The following ATP12A variants were observed in gnomAD, a reference collection of about 807,000 sequenced individuals.
The protein encoded by ATP12A is ATPase H+/K+ transporting non-gastric alpha2 subunit.
ATP12A carries 81 observed loss-of-function variants against 111.2 expected under a neutral mutation model. The observed-to-expected ratio is 0.73, with a 90% CI of 0.61 to 0.88. ATP12A has a LOEUF of 0.88. Ranked by LOEUF, ATP12A falls within the 40% of genes least tolerant of loss-of-function variation. The pLI, the probability that ATP12A is intolerant of heterozygous loss-of-function variation, is 0.00. For missense variants in ATP12A, 1,196 were observed against 1,313.1 expected (o/e 0.91, Z 1.38); for synonymous variants, 498 against 499.8 (o/e 1.00, Z 0.05).
At chr13:24,697,912 C>T (rs1281969694) in intron 11 of ATP12A, among the ~76,000 whole-genome samples, 1 of 152,120 alleles carries the variant, frequency 6.6e-6, no homozygotes, top group African/African-American at 2.4e-5. Context: ...AATTGTAGCA[C>T]TTTTCTTTGC....
At chr13:24,684,641 TAGTG>T (rs896562651) in intron 2 of ATP12A, among the ~76,000 whole-genome samples, 2 of 152,224 alleles carry the variant, frequency 1.3e-5, no homozygotes, top group Non-Finnish European at 2.9e-5. Flanking sequence ...GGGAGGATGT[TAGTG>T]GGTGGAGCCC....
At chr13:24,709,044 A>G (rs1198934834) in intron 17 of ATP12A, among the ~76,000 whole-genome samples, 1 of 152,204 alleles carries the variant, frequency 6.6e-6, no homozygotes, top group Non-Finnish European at 1.5e-5. Flanking sequence ...GGTGGGGCGC[A>G]ATGATCTGTC....
In ATP12A at chr13:24,711,600, C is replaced by A; in HGVS notation, c.*78C>A. 1.3e-6 allele frequency: 2 copies of A among 1,579,266 alleles called. No individual in the cohort carries two copies. The highest frequency in any genetic ancestry group is 2.2e-5 in the South Asian group (2 of 90,006). On this transcript the variant is annotated 3_prime_UTR_variant, in exon 23 of 23. Transcript: ENST00000381946. ...TCTTCTGACCGTTTGCTGGGCTATTCCCCTGCAGTGCAGACATCGTCAAAA... is the reference window on the plus strand; with the variant it reads ...TCTTCTGACCGTTTGCTGGGCTATTACCCTGCAGTGCAGACATCGTCAAAA...
chr13:24,689,841 A>G (rs2137695500), intron 5 of ATP12A, among the ~76,000 whole-genome samples: 2 of 152,200 alleles, frequency 1.3e-5, no homozygotes, highest in Middle Eastern at 3.4e-3. Context: ...GGCTGGAGAG[A>G]TTCTGGGTGG....
In ATP12A at chr13:24,690,672, C is replaced by A. The variant is rs1266510280; in HGVS notation, c.750C>A (p.Asn250Lys). Reference sequence around the variant, plus strand: ...GCTCCTCTGAGTTTACCCATGAAAACCCCCTGGAAACAAAGAACATCTGCT... The same window carrying A: ...GCTCCTCTGAGTTTACCCATGAAAAACCCCTGGAAACAAAGAACATCTGCT... ...QPRSSEFTHENPLETKNICFY... is the reference protein window; with the variant it reads ...QPRSSEFTHEKPLETKNICFY... Residue 250 changes from asparagine to lysine, a missense_variant, in exon 7 of 23, where the codon AAC becomes AAA. Asn to Lys is a moderately conservative substitution (Grantham distance 94). Around this residue, in one of 3 missense-constraint regions of ATP12A, gnomAD observed 1,126 missense variants for 1,228.5 expected, o/e 0.92. Transcript: ENST00000381946. 5.6e-6 allele frequency: 9 copies of A among 1,613,856 alleles called. No homozygotes were observed. The highest frequency in any genetic ancestry group is 1.7e-5 in the Admixed American group (1 of 59,966).
intron 10 of ATP12A, among the ~76,000 whole-genome samples, chr13:24,693,712 T>A (rs763362004): frequency 6.6e-6 from 1 of 152,262 alleles, no homozygotes; most frequent in South Asian, 2.1e-4. Flanking sequence ...GTCTATGATA[T>A]AACCATTCTA....
At chr13:24,692,651 C>A in intron 9 of ATP12A, 24 bp downstream of exon 9, 1 of 1,603,840 alleles carries the variant, frequency 6.2e-7, no homozygotes, top group Non-Finnish European at 8.5e-7. Flanking sequence ...AGAGCTCGGT[C>A]TGGCCAAAGC....
intron 3 of ATP12A, among the ~76,000 whole-genome samples, chr13:24,687,988 G>A (rs1874729687): frequency 1.3e-5 from 2 of 152,110 alleles, no homozygotes; most frequent in South Asian, 2.1e-4. Flanking sequence ...AGGTCCCTTC[G>A]ACAGGTTACG....
At chr13:24,698,344 C>T (rs1362645836) in intron 11 of ATP12A, among the ~76,000 whole-genome samples, 1 of 152,046 alleles carries the variant, frequency 6.6e-6, no homozygotes, top group East Asian at 1.9e-4. Context: ...GCTCGCAGCC[C>T]CCTAACTCTC....
At chr13:24,701,904 C>A in intron 13 of ATP12A, 31 bp from the exon 14 acceptor site, 3 of 1,613,984 alleles carry the variant, frequency 1.9e-6, no homozygotes, top group South Asian at 2.2e-5. Flanking sequence ...TTCTTCATTA[C>A]CCGTGGGCCT....
At position 24,689,283 on chromosome 13, in the gene ATP12A, G is replaced by C; in HGVS notation, c.454G>C (p.Gly152Arg). The change falls in exon 5 of 23, where the codon GGT (glycine) becomes CGT (arginine). Residue 152 changes from glycine (G) to arginine (R), a missense_variant. Gly to Arg is a moderately radical substitution (Grantham distance 125). Transcript: ENST00000381946. The part of the protein sequence containing the change: ...LNNVYLGCVL[G>R]LVVILTGIFA... ...CCAGGTGTACTTGGGCTGTGTGCTTGGTCTGGTGGTCATTTTAACGGGGAT... is the reference window on the plus strand; with the variant it reads ...CCAGGTGTACTTGGGCTGTGTGCTTCGTCTGGTGGTCATTTTAACGGGGAT... 2.5e-6 allele frequency: 4 copies of C among 1,614,054 alleles called. No individual in the cohort carries two copies. Among genetic ancestry groups the C allele is most frequent in the Non-Finnish European group, 3.4e-6 (4 of 1,179,980 alleles).
Position 24,690,614 on chromosome 13 carries a change from C to T in ATP12A, c.692C>T (p.Ser231Leu), listed in dbSNP as rs267603785. 2 of 1,611,578 alleles carry T rather than the reference C, an allele frequency of 1.2e-6. No individual in the cohort carries two copies. Among genetic ancestry groups the T allele is most frequent in the South Asian group, 1.1e-5 (1 of 90,716 alleles). ...LSSQGCRVDN[S>L]SLTGESEPQP... Reference sequence around the variant, plus strand: ...CAACATTTCTTCTAGGTGGATAACTCATCTCTCACGGGGGAGTCTGAGCCC... The same window carrying T: ...CAACATTTCTTCTAGGTGGATAACTTATCTCTCACGGGGGAGTCTGAGCCC... Residue 231 changes from serine to leucine, a missense_variant, in exon 7 of 23, where the codon TCA becomes TTA. Ser to Leu is a moderately radical substitution (Grantham distance 145). Around this residue, in one of 3 missense-constraint regions of ATP12A, gnomAD observed 1,126 missense variants for 1,228.5 expected, o/e 0.92. Coordinates refer to ENST00000381946, the MANE Select transcript of ATP12A (RefSeq NM_001676.7).
intron 5 of ATP12A, among the ~76,000 whole-genome samples, chr13:24,689,860 C>T (rs1566070770): frequency 6.6e-6 from 1 of 152,212 alleles, no homozygotes; most frequent in African/African-American, 2.4e-5. Context: ...GGAAAAGACG[C>T]CTCCTGCCAA....
intron 2 of ATP12A, among the ~76,000 whole-genome samples, chr13:24,682,096 GAT>G: frequency 1.1e-5 from 1 of 89,408 alleles, no homozygotes; most frequent in East Asian, 3.4e-4. Flanking sequence ...TGGTGTGTGT[GAT>G]GTGTGTGTGA....
chr13:24,707,951 A>G (rs1875743279), intron 17 of ATP12A, among the ~76,000 whole-genome samples: 1 of 152,048 alleles, frequency 6.6e-6, no homozygotes, highest in Admixed American at 6.5e-5. Flanking sequence ...CACCTGAGCT[A>G]TAGCAAGCTT....
intron 14 of ATP12A, chr13:24,704,489 C>G (rs1875531896): frequency 6.6e-6 from 1 of 152,430 alleles, no homozygotes; most frequent in African/African-American, 2.4e-5. Context: ...GTGCACACGA[C>G]GGTCCTGCCC....
At chr13:24,708,964 G>GGAAGGAAGAAAGAAAGAAAGAAA (rs1566078418) in intron 17 of ATP12A, among the ~76,000 whole-genome samples, 1,712 of 114,742 alleles carry the variant, frequency 0.015, 65 homozygotes, top group Non-Finnish European at 0.018. Flanking sequence ...AAAGAAAGAA[G>GGAAGGAAGAAAGAAAGAAAGAAA]GAAAGAGAAA....
chr13:24,711,683 T>C lies in ATP12A; in HGVS notation c.*161T>C. 3 of 939,738 alleles carry C rather than the reference T, an allele frequency of 3.2e-6. No individual in the cohort carries two copies. The South Asian group carries it at 5.1e-5, about 16-fold the overall frequency. 58.2% of individuals were successfully genotyped at this position (939,738 alleles called of 1,614,324 possible). ...TGTATGCAGGATGCTCACTGATGTTTTGCACTTTAAAACTGAAATTCAACT... is the reference window on the plus strand; with the variant it reads ...TGTATGCAGGATGCTCACTGATGTTCTGCACTTTAAAACTGAAATTCAACT... On this transcript the variant is annotated 3_prime_UTR_variant, in exon 23 of 23. Coordinates refer to ENST00000381946, the MANE Select transcript of ATP12A (RefSeq NM_001676.7).
rs760170835 is a variant in ATP12A at position 24,706,298 on chromosome 13, T to A, written c.2019-15T>A. On this transcript the variant is annotated splice_polypyrimidine_tract_variant and intron_variant, in intron 14 of 22. Transcript: ENST00000381946. ...CTGCCCTTGGGCCTCACCCAGTTTC[T>A]TCTGGCCCTTCTAGGGATGCCAAGG... 21 of 1,612,764 alleles carry A rather than the reference T, an allele frequency of 1.3e-5. No homozygotes were observed. In the East Asian group the frequency reaches 4.7e-4, roughly 36 times the overall value.
Sources: gnomAD v4.1 joint callset for allele counts (sites outside exome capture counted in the v4.1 genomes callset) on GRCh38, gnomAD v4.1.1 for gene constraint, gnomAD v4.1.1 regional missense constraint, MANE v1.5 for transcripts, NCBI Gene and HGNC (gene_info 2026-07-23, HGNC 2026-07-21) for gene names.